The following RUSF1 variants were observed in gnomAD, a reference collection of about 807,000 sequenced individuals.
RUSF1 encodes RUS1 family protein C16orf58.
RUSF1 carries 58 observed loss-of-function variants against 63.0 expected under a neutral mutation model. The ratio of observed to expected loss-of-function variants is 0.92; its 90% CI spans 0.75 to 1.15. RUSF1 has a LOEUF of 1.15. Ranked by LOEUF, RUSF1 falls within the 50% of genes most tolerant of loss-of-function variation. RUSF1 has a pLI of 0.00. For missense variants in RUSF1, 652 were observed against 611.0 expected, an observed-to-expected ratio of 1.07 and a Z score of -0.71; for synonymous variants, 274 against 255.8, an observed-to-expected ratio of 1.07 and a Z score of -0.68.
At position 31,489,723 on chromosome 16, in the gene RUSF1, A is replaced by G; in HGVS notation, c.*1112T>C. Reference sequence around the variant, plus strand: ...TGGCAGGGTGGGGTGAGGACAGGACAAGAGATCTGGGTGTGGAAGGATGGC... The same window carrying G: ...TGGCAGGGTGGGGTGAGGACAGGACGAGAGATCTGGGTGTGGAAGGATGGC... On this transcript the variant is annotated 3_prime_UTR_variant, in exon 13 of 13. Coordinates refer to ENST00000327237, the MANE Select transcript of RUSF1 (RefSeq NM_022744.4). 2.2e-6 allele frequency: 1 copy of G among 446,888 alleles called. No homozygotes were observed. Among genetic ancestry groups the G allele is most frequent in the East Asian group, 4.8e-5 (1 of 20,776 alleles). The allele number at this position is 446,888 out of a possible 1,614,324, so 27.7% of individuals were successfully genotyped here.
At chr16:31,506,885 G>A (rs8047112) in intron 2 of RUSF1, among the ~76,000 whole-genome samples, 12 of 152,034 alleles carry the variant, frequency 7.9e-5, no homozygotes, top group Middle Eastern at 3.4e-3. Flanking sequence ...CACCGTGCCC[G>A]GCCCAGTTTT....
intron 6 of RUSF1, among the ~76,000 whole-genome samples, chr16:31,494,585 C>G (rs2142647901): frequency 6.6e-6 from 1 of 152,162 alleles, no homozygotes; most frequent in South Asian, 2.1e-4. Flanking sequence ...ACAGTGATAC[C>G]CTGTCTAAAT....
chr16:31,491,982 A>G (rs758791898), intron 12 of RUSF1, 27 bp downstream of exon 12: 62 of 1,612,428 alleles, frequency 3.8e-5, no homozygotes, highest in Non-Finnish European at 5.3e-5. Flanking sequence ...TTCAGGGGCC[A>G]AGCAGCCATG....
chr16:31,496,920 G>T lies in RUSF1; in HGVS notation c.631C>A (p.Arg211=). 1.2e-6 allele frequency: 2 copies of T among 1,609,362 alleles called. No individual in the cohort carries two copies. Among genetic ancestry groups the T allele is most frequent in the Non-Finnish European group, 1.7e-6 (2 of 1,178,246 alleles). ...GCCTGGTGCACGGTCAGGGCAGCCC[G>T]AGTGGCCCCACCAGCAACACTCACG... The part of the protein sequence containing the change: ...CIVSVAGGAT[R]AALTVHQARR... Residue 211 remains arginine (R), a synonymous_variant, in exon 6 of 13, where the codon CGG becomes AGG. Coordinates refer to ENST00000327237, the MANE Select transcript of RUSF1 (RefSeq NM_022744.4).
Position 31,507,872 on chromosome 16 carries a change from C to G in RUSF1, c.307G>C (p.Ala103Pro), listed in dbSNP as rs1259099663. The change falls in exon 2 of 13, where the codon GCT (alanine) becomes CCT (proline). Residue 103 changes from alanine (A) to proline (P), a missense_variant. Coordinates refer to ENST00000327237, the MANE Select transcript of RUSF1 (RefSeq NM_022744.4). Reference protein sequence around the residue: ...YQLWDSVQAFASSLSGSLATQ... With the variant: ...YQLWDSVQAFPSSLSGSLATQ... ...GCTAGGGAGCCGGAGAGGCTGGAAG[C>G]AAACGCCTGGAGAAGAAAACAAGTA... 1 of 1,558,796 alleles carries G rather than the reference C, an allele frequency of 6.4e-7. No homozygotes were observed. Among genetic ancestry groups the G allele is most frequent in the Non-Finnish European group, 8.7e-7 (1 of 1,150,760 alleles).
chr16:31,508,291 G>C lies in RUSF1; in HGVS notation c.83C>G (p.Ala28Gly), dbSNP rs1279250907. Reference protein sequence around the residue: ...SGEARGCRAAADGSLQWEVGG... With the variant: ...SGEARGCRAAGDGSLQWEVGG... ...GACCTCCCACTGCAGGCTCCCGTCCGCGGCGGCGCGGCAGCCCCGTGCCTC... is the reference window on the plus strand; with the variant it reads ...GACCTCCCACTGCAGGCTCCCGTCCCCGGCGGCGCGGCAGCCCCGTGCCTC... Residue 28 changes from alanine to glycine, a missense_variant, in exon 1 of 13, where the codon GCG becomes GGG. Ala to Gly is a moderately conservative substitution (Grantham distance 60, BLOSUM62 0). Transcript: ENST00000327237. The C allele has an allele frequency of 3.8e-6, 6 of 1,574,872 alleles. No individual in the cohort carries two copies. In the African/African-American group the frequency reaches 5.4e-5, roughly 14 times the overall value.
Position 31,493,119 on chromosome 16 carries a change from C to G in RUSF1, c.1017-71G>C. ...CAGGCATGCCCAACCAGCCACTGAA[C>G]AGCCACCCAGTGAACTGAAATGATC... is the stretch of plus-strand genomic sequence containing the variant. On this transcript the variant is annotated intron_variant, in intron 9 of 12. Coordinates refer to ENST00000327237, the MANE Select transcript of RUSF1 (RefSeq NM_022744.4). 2.7e-6 allele frequency: 4 copies of G among 1,459,048 alleles called. No homozygotes were observed. The South Asian group carries it at 4.7e-5, about 17-fold the overall frequency. 90.4% of individuals were successfully genotyped at this position (1,459,048 alleles called of 1,614,324 possible). A position where few individuals can be genotyped will look rare whatever the true frequency, so the allele number is the denominator to read the frequency against.
intron 6 of RUSF1, among the ~76,000 whole-genome samples, chr16:31,495,327 T>C (rs933526399): frequency 6.6e-6 from 1 of 152,080 alleles, no homozygotes; most frequent in Non-Finnish European, 1.5e-5. Context: ...GCTGTGGGAA[T>C]AAACGCTGTG....
chr16:31,508,010 C>T lies in RUSF1; in HGVS notation c.300+64G>A, dbSNP rs77892108. The T allele has an allele frequency of 4.9e-3, 7,595 of 1,549,812 alleles. 312 individuals are homozygous for T. In the African/African-American group the frequency reaches 0.092, roughly 19 times the overall value. The stretch of plus-strand genomic sequence containing the variant: ...CCCCCGGGCTCCGAGTCTCAGTCAC[C>T]CGTCCATTATTGGGGAGGGAGGAGT... On this transcript the variant is annotated intron_variant, in intron 1 of 12. Transcript: ENST00000327237.
At chr16:31,503,108 G>A (rs1216911626) in intron 2 of RUSF1, among the ~76,000 whole-genome samples, 1 of 152,170 alleles carries the variant, frequency 6.6e-6, no homozygotes, top group African/African-American at 2.4e-5. Flanking sequence ...CACTAGAATA[G>A]AAAACTCCCA....
At position 31,490,055 on chromosome 16, in the gene RUSF1, G is replaced by T. The variant is rs371419116; in HGVS notation, c.*780C>A. ...GGTGTGCAAGAGACTTTAGGGCCAG[G>T]CATGGGGGGACAGAACTCCCACCTC... is the stretch of plus-strand genomic sequence containing the variant. On this transcript the variant is annotated 3_prime_UTR_variant, in exon 13 of 13. Transcript: ENST00000327237. 2.3e-5 allele frequency: 37 copies of T among 1,611,002 alleles called. No individual in the cohort carries two copies. The African/African-American group carries it at 4.4e-4, about 19-fold the overall frequency.
Position 31,507,698 on chromosome 16 carries a change from A to G in RUSF1, c.415+66T>C, listed in dbSNP as rs1319131015. The G allele has an allele frequency of 2.8e-6, 4 of 1,435,368 alleles. No homozygotes were observed. In the Admixed American group the frequency reaches 7.9e-5, roughly 28 times the overall value. 88.9% of individuals were successfully genotyped at this position (1,435,368 alleles called of 1,614,324 possible). On this transcript the variant is annotated intron_variant, in intron 2 of 12. Transcript: ENST00000327237. ...GGGGCACGAGTCCATACATATATAC[A>G]CATAAGAGCCCAGCGAAAGCAGGGC...
At chr16:31,496,774 C>CCT in intron 6 of RUSF1, 75 bp downstream of exon 6, 1 of 1,272,344 alleles carries the variant, frequency 7.9e-7, no homozygotes, top group South Asian at 1.5e-5. Context: ...GTTCCTGGGC[C>CCT]CTCCAGGGCA....
intron 6 of RUSF1, among the ~76,000 whole-genome samples, chr16:31,496,609 G>C (rs2082604237): frequency 6.6e-6 from 1 of 152,198 alleles, no homozygotes; most frequent in Non-Finnish European, 1.5e-5. Flanking sequence ...TGCACGGTGG[G>C]GTCTGAAGAG....
intron 9 of RUSF1, chr16:31,493,256 C>T: frequency 1.2e-6 from 1 of 867,572 alleles, no homozygotes; most frequent in South Asian, 1.4e-5. Flanking sequence ...TCTACCCATC[C>T]TTCCTTCACC....
chr16:31,492,033 T>C lies in RUSF1; in HGVS notation c.1285A>G (p.Met429Val), dbSNP rs759182188. ...CCTTTCAAGAACTTTGGGAACAGCA[T>C]GTCCAACACTTCGTGTGTCTCCTTG... Reference protein sequence around the residue: ...VVKETHEVLDMLFPKFLKGLQ... With the variant: ...VVKETHEVLDVLFPKFLKGLQ... Residue 429 changes from methionine (M) to valine (V), a missense_variant, in exon 12 of 13, where the codon ATG becomes GTG. Physicochemically the swap from Met to Val is conservative, Grantham distance 21. Transcript: ENST00000327237. 13 of 1,614,206 alleles carry C rather than the reference T, an allele frequency of 8.1e-6. No individual in the cohort carries two copies. Among genetic ancestry groups the C allele is most frequent in the East Asian group, 4.5e-5 (2 of 44,880 alleles).
chr16:31,499,326 G>C lies in RUSF1; in HGVS notation c.576C>G (p.Thr192=). 6.2e-7 allele frequency: 1 copy of C among 1,613,864 alleles called. No individual in the cohort carries two copies. The highest frequency in any genetic ancestry group is 2.2e-5 in the East Asian group (1 of 44,880). The change falls in exon 5 of 13, where the codon ACC becomes ACG. Residue 192 remains threonine (T), a synonymous_variant. Coordinates refer to ENST00000327237, the MANE Select transcript of RUSF1 (RefSeq NM_022744.4). ...CCTTGGCTAGGTTGCTGGTGGAGAC[G>C]GTCATGGTGAAACAGATTGGGTATA... ...APVYPICFTM[T]VSTSNLAKCI...
chr16:31,508,248 C>G lies in RUSF1; in HGVS notation c.126G>C (p.Trp42Cys). The part of the protein sequence containing the change: ...LQWEVGGWRW[W>C]GLSRAFTVKP... ...TGACCGTGAAGGCCCTGGAGAGCCC[C>G]CACCAGCGCCAGCCCCCGACCTCCC... is the stretch of plus-strand genomic sequence containing the variant. The change falls in exon 1 of 13, where the codon TGG becomes TGC. Residue 42 changes from tryptophan to cysteine, a missense_variant. Transcript: ENST00000327237. The G allele has an allele frequency of 6.4e-7, 1 of 1,563,758 alleles. No individual in the cohort carries two copies. The highest frequency in any genetic ancestry group is 1.2e-5 in the South Asian group (1 of 85,400).
intron 2 of RUSF1, among the ~76,000 whole-genome samples, chr16:31,501,671 G>A (rs1023659789): frequency 2.6e-5 from 4 of 151,908 alleles, no homozygotes; most frequent in Non-Finnish European, 5.9e-5. Context: ...AGGCTGGGCA[G>A]AGTAAGAGAA....
Sources: gnomAD v4.1 joint callset for allele counts (sites outside exome capture counted in the v4.1 genomes callset) on GRCh38, gnomAD v4.1.1 for gene constraint, MANE v1.5 for transcripts, NCBI Gene and HGNC (gene_info 2026-07-23, HGNC 2026-07-21) for gene names.